The following GFOD1 variants were observed in gnomAD, a reference collection of about 807,000 sequenced individuals.
GFOD1 encodes the protein glucose-fructose oxidoreductase domain-containing protein 1.
GFOD1 carries 9 observed loss-of-function variants against 25.4 expected under a neutral mutation model. The ratio of observed to expected loss-of-function variants is 0.35; its 90% CI spans 0.21 to 0.62. The LOEUF (loss-of-function observed/expected upper bound fraction) is 0.62, where lower values mean the gene tolerates loss of function less well. Ranked by LOEUF, GFOD1 falls within the 20% of genes least tolerant of loss-of-function variation. The pLI is 0.72. For synonymous variants in GFOD1, 253 were observed against 245.6 expected (o/e 1.03, Z -0.28); for missense variants, 403 against 556.9 (o/e 0.72, Z 2.78).
At position 13,470,504 on chromosome 6, in the gene GFOD1, G is replaced by C. The variant is rs1323876700; in HGVS notation, c.253+16134C>G. On this transcript the variant is annotated intron_variant, in intron 1 of 1. Transcript: ENST00000379287. ...GGACTCTCCAAGAGCAGCATCGTGG[G>C]GGGTAAACAAATGTCCCATGTGGGG... The C allele has an allele frequency of 6.5e-6, 10 of 1,549,974 alleles. No individual in the cohort carries two copies. The South Asian group carries it at 7.1e-5, about 11-fold the overall frequency.
chr6:13,377,176 T>C (rs1198494905), intron 1 of GFOD1, among the ~76,000 whole-genome samples: 1 of 152,180 alleles, frequency 6.6e-6, no homozygotes. Context: ...TTAGATGGCA[T>C]GTACATCTCC....
At chr6:13,394,949 T>C (rs1785697948) in intron 1 of GFOD1, among the ~76,000 whole-genome samples, 1 of 152,088 alleles carries the variant, frequency 6.6e-6, no homozygotes, top group Non-Finnish European at 1.5e-5. Flanking sequence ...ACCTGGCTAA[T>C]TTTTAAAAAA....
At position 13,486,787 on chromosome 6, in the gene GFOD1, G is replaced by A. The variant is rs1196891927; in HGVS notation, c.104C>T (p.Thr35Met). ...GFAVKALWGR[T>M]QEEAEELAKE... ...GGCCAGCTCCTCCGCTTCTTCCTGCGTGCGGCCCCACAGCGCCTTCACCGC... is the reference window on the plus strand; with the variant it reads ...GGCCAGCTCCTCCGCTTCTTCCTGCATGCGGCCCCACAGCGCCTTCACCGC... Residue 35 changes from threonine (T) to methionine (M), a missense_variant, in exon 1 of 2, where the codon ACG becomes ATG. Thr to Met is a moderately conservative substitution (Grantham distance 81). Transcript: ENST00000379287. 2.5e-6 allele frequency: 4 copies of A among 1,613,970 alleles called. No homozygotes were observed. The highest frequency in any genetic ancestry group is 1.3e-5 in the African/African-American group (1 of 74,902).
chr6:13,470,363 T>C (rs1280790866), intron 1 of GFOD1: 3 of 1,553,330 alleles, frequency 1.9e-6, no homozygotes, highest in Non-Finnish European at 2.6e-6. Context: ...AATGCAGCAT[T>C]GTGGTCCCCG....
chr6:13,411,518 C>A (rs1006648394), intron 1 of GFOD1, among the ~76,000 whole-genome samples: 1 of 152,172 alleles, frequency 6.6e-6, no homozygotes, highest in Non-Finnish European at 1.5e-5. Context: ...TCTCGATCTC[C>A]TGACCTCAAG....
chr6:13,453,975 T>G (rs1249888489), intron 1 of GFOD1, among the ~76,000 whole-genome samples: 2 of 152,278 alleles, frequency 1.3e-5, no homozygotes, highest in Non-Finnish European at 2.9e-5. Context: ...GTGACCTTAT[T>G]TGGAAACAGA....
At chr6:13,471,554 A>T (rs750904310) in intron 1 of GFOD1, among the ~76,000 whole-genome samples, 2 of 152,304 alleles carry the variant, frequency 1.3e-5, no homozygotes, top group Non-Finnish European at 2.9e-5. Flanking sequence ...CCCACAGCAC[A>T]TCTTCTTCTC....
intron 1 of GFOD1, among the ~76,000 whole-genome samples, chr6:13,456,444 G>A (rs1227745071): frequency 1.3e-5 from 2 of 152,082 alleles, no homozygotes; most frequent in African/African-American, 4.8e-5. Context: ...CAAAGTGCTG[G>A]GATTACAGGT....
chr6:13,373,323 T>G (rs575447499), intron 1 of GFOD1, among the ~76,000 whole-genome samples: 3 of 152,208 alleles, frequency 2.0e-5, no homozygotes, highest in Non-Finnish European at 4.4e-5. Context: ...TATTCATCAT[T>G]CAGAGTTTGG....
intron 1 of GFOD1, among the ~76,000 whole-genome samples, chr6:13,463,562 T>A (rs1457077221): frequency 1.3e-5 from 2 of 152,162 alleles, no homozygotes; most frequent in Non-Finnish European, 2.9e-5. Flanking sequence ...GGTCTTTTCT[T>A]TAACCCACAG....
At chr6:13,366,778 C>G (rs1364698037) in intron 1 of GFOD1, among the ~76,000 whole-genome samples, 1 of 151,956 alleles carries the variant, frequency 6.6e-6, no homozygotes, top group Non-Finnish European at 1.5e-5. Flanking sequence ...TTACAGGTGT[C>G]CTGGTCCCAA....
At chr6:13,429,489 G>A (rs1022587683) in intron 1 of GFOD1, among the ~76,000 whole-genome samples, 2 of 152,228 alleles carry the variant, frequency 1.3e-5, no homozygotes, top group Non-Finnish European at 2.9e-5. Context: ...GGTCCTCTCA[G>A]ACAGAAAAGT....
intron 1 of GFOD1, among the ~76,000 whole-genome samples, chr6:13,388,214 A>G (rs1019449188): frequency 2.6e-5 from 4 of 152,364 alleles, no homozygotes; most frequent in East Asian, 3.9e-4. Context: ...ATTCAATGCT[A>G]TCTCCATCAA....
intron 1 of GFOD1, chr6:13,470,615 C>A: frequency 6.7e-7 from 1 of 1,483,222 alleles, no homozygotes; most frequent in Non-Finnish European, 9.0e-7. Context: ...GATTTTCTTC[C>A]TCTGATGTCC....
At chr6:13,400,723 A>G (rs1401973290) in intron 1 of GFOD1, among the ~76,000 whole-genome samples, 1 of 152,226 alleles carries the variant, frequency 6.6e-6, no homozygotes, top group Non-Finnish European at 1.5e-5. Flanking sequence ...GCAGATGAAC[A>G]TTTCAAAGCA....
intron 1 of GFOD1, among the ~76,000 whole-genome samples, chr6:13,378,260 G>T (rs772990948): frequency 1.3e-5 from 2 of 152,214 alleles, no homozygotes; most frequent in Non-Finnish European, 2.9e-5. Context: ...TTTTTCACAT[G>T]AGTGGAATGG....
chr6:13,458,481 G>A (rs1291569937), intron 1 of GFOD1, among the ~76,000 whole-genome samples: 1 of 151,940 alleles, frequency 6.6e-6, no homozygotes, highest in East Asian at 1.9e-4. Context: ...AATCAATAAT[G>A]CTCTCCACTG....
chr6:13,382,475 G>C (rs1019868045), intron 1 of GFOD1, among the ~76,000 whole-genome samples: 5 of 152,052 alleles, frequency 3.3e-5, no homozygotes, highest in Admixed American at 2.0e-4. Flanking sequence ...ATGTGACTTT[G>C]CTTCTCCTTC....
chr6:13,452,445 A>G (rs1190408738), intron 1 of GFOD1, among the ~76,000 whole-genome samples: 1 of 152,168 alleles, frequency 6.6e-6, no homozygotes, highest in Non-Finnish European at 1.5e-5. Flanking sequence ...TGGTTTATGA[A>G]CAACAGGCAG....
Sources: gnomAD v4.1 joint callset for allele counts (sites outside exome capture counted in the v4.1 genomes callset) on GRCh38, gnomAD v4.1.1 for gene constraint, MANE v1.5 for transcripts, NCBI Gene and HGNC (gene_info 2026-07-23, HGNC 2026-07-21) for gene names.